Variants in BEGAIN observed in about 807,000 individuals in gnomAD.
The protein encoded by BEGAIN is brain-enriched guanylate kinase-associated protein.
BEGAIN carries 19 observed loss-of-function variants against 35.8 expected under a neutral mutation model. The observed-to-expected ratio is 0.53, with a 90% CI of 0.37 to 0.78. The LOEUF is 0.78. BEGAIN is among the 30% of genes least tolerant of loss of function. The pLI is 0.00. For missense variants in BEGAIN, 795 were observed against 853.6 expected, an observed-to-expected ratio of 0.93 and a Z score of 0.85; for synonymous variants, 462 against 388.6, an observed-to-expected ratio of 1.19 and a Z score of -2.22.
intron 2 of BEGAIN, among the ~76,000 whole-genome samples, chr14:100,560,654 C>G (rs1041659155): frequency 6.6e-6 from 1 of 152,244 alleles, no homozygotes; most frequent in African/African-American, 2.4e-5. Context: ...CCCCAGGACA[C>G]AGAGACATGG....
rs1435080985 is a variant in BEGAIN, at chr14:100,543,972, G to T, written c.301-7C>A. On this transcript the variant is annotated splice_region_variant and splice_polypyrimidine_tract_variant and intron_variant, in intron 4 of 6. Transcript: ENST00000554140. ...CCTCCTCATAGTGCTGGCCCTGGGG[G>T]TGGGACAGTGGGAGGAGGAGGCCCG... The T allele has an allele frequency of 1.3e-6, 2 of 1,598,698 alleles. No individual in the cohort carries two copies. Among genetic ancestry groups the T allele is most frequent in the Admixed American group, 1.7e-5 (1 of 58,352 alleles).
Position 100,568,306 on chromosome 14 carries a change from CT to C in BEGAIN, c.43-368del. ...CTCTCCGGCGGCCGCGGCCCCGCTG[CT>C]CCCCCCGCCCCGCCCGTTAACCCTT... On this transcript the variant is annotated intron_variant, in intron 1 of 6. Transcript: ENST00000554140. This position sits in a 1 kb window ranked among gnomAD's most constrained non-coding sequence, Gnocchi z 7.5. The C allele has an allele frequency of 1.3e-6, 1 of 766,254 alleles. No homozygotes were observed. Among genetic ancestry groups the C allele is most frequent in the Admixed American group, 2.8e-5 (1 of 36,074 alleles). 47.5% of individuals were successfully genotyped at this position (766,254 alleles called of 1,614,324 possible).
chr14:100,546,802 A>T lies in BEGAIN; in HGVS notation c.72-140T>A, dbSNP rs1445943883. 3.8e-5 allele frequency: 24 copies of T among 634,682 alleles called. No homozygotes were observed. In the African/African-American group the frequency reaches 4.2e-4, roughly 11 times the overall value. The allele number at this position is 634,682 out of a possible 1,614,324, so 39.3% of individuals were successfully genotyped here. ...CGCGCACACACACACACACACACAC[A>T]CACACACACACTCACACACACCCAG... On this transcript the variant is annotated intron_variant, in intron 2 of 6. Transcript: ENST00000554140.
chr14:100,585,889 C>T (rs1361985854), intron 1 of BEGAIN, among the ~76,000 whole-genome samples: 1 of 152,264 alleles, frequency 6.6e-6, no homozygotes, highest in Non-Finnish European at 1.5e-5. Context: ...GCGCAGCCGC[C>T]CATCGCCCAG....
chr14:100,570,003 G>A (rs1287175490), intron 1 of BEGAIN, among the ~76,000 whole-genome samples: 2 of 152,086 alleles, frequency 1.3e-5, no homozygotes, highest in Non-Finnish European at 2.9e-5. Flanking sequence ...CTATGCGGGA[G>A]CAAAGCTCCA....
chr14:100,583,692 C>CTTTTTTTTTTTTTTTTTTTTTTTTTTTT (rs56090356), intron 1 of BEGAIN, among the ~76,000 whole-genome samples: 5 of 108,980 alleles, frequency 4.6e-5, no homozygotes, highest in Admixed American at 1.0e-4. Flanking sequence ...GTTTTTCTTC[C>CTTTTTTTTTTTTTTTTTTTTTTTTTTTT]TTTTTTTTTT....
rs912987765 is a variant in BEGAIN, at chr14:100,567,594, G to A, written c.71+317C>T. On this transcript the variant is annotated intron_variant, in intron 2 of 6. Transcript: ENST00000554140. The surrounding 1 kb of genome is among the most constrained non-coding windows in gnomAD (Gnocchi z 5.1). ...CCCCGGGGACCAGCGAGAGTCCAGG[G>A]CAGGGAGCCAGAGGGGCGCTGAGGA... Among the ~76,000 whole-genome samples, 2 of 151,926 alleles carry A rather than the reference G, an allele frequency of 1.3e-5. No individual in the cohort carries two copies. Among genetic ancestry groups the A allele is most frequent in the African/African-American group, 4.8e-5 (2 of 41,396 alleles).
chr14:100,576,398 G>C (rs1030404516), intron 1 of BEGAIN, among the ~76,000 whole-genome samples: 2 of 152,196 alleles, frequency 1.3e-5, no homozygotes, highest in African/African-American at 2.4e-5. Context: ...CGACCTCCTG[G>C]GGTTGCGCCC....
At chr14:100,550,135 T>G (rs1483910747) in intron 2 of BEGAIN, among the ~76,000 whole-genome samples, 1 of 151,996 alleles carries the variant, frequency 6.6e-6, no homozygotes, top group Non-Finnish European at 1.5e-5. Flanking sequence ...TGGACTGGGG[T>G]GAGTGCCCAG....
chr14:100,543,297 T>C (rs2140482256), intron 5 of BEGAIN, among the ~76,000 whole-genome samples: 1 of 150,338 alleles, frequency 6.7e-6, no homozygotes, highest in South Asian at 2.1e-4. Flanking sequence ...CAGAGGTGTT[T>C]TTTTTTTTGT....
intron 2 of BEGAIN, 118 bp from the exon 3 acceptor site, chr14:100,546,780 G>GCAAACACA (rs2032558083): frequency 3.0e-6 from 1 of 328,558 alleles, no homozygotes; most frequent in Non-Finnish European, 5.1e-6. Context: ...GCGCGCGCGC[G>GCAAACACA]CACACACACA....
At chr14:100,546,705 C>T (rs1595115537) in intron 2 of BEGAIN, 43 bp from the exon 3 acceptor site, 1 of 1,518,570 alleles carries the variant, frequency 6.6e-7, no homozygotes, top group Non-Finnish European at 8.8e-7. Flanking sequence ...CGGCGCTGAG[C>T]GGGGGAAACT....
chr14:100,576,810 C>A (rs1395247911), intron 1 of BEGAIN, among the ~76,000 whole-genome samples: 1 of 152,246 alleles, frequency 6.6e-6, no homozygotes, highest in Non-Finnish European at 1.5e-5. Flanking sequence ...ACCTGTCCAT[C>A]TGTCTGAGGC....
chr14:100,566,521 C>A lies in BEGAIN; in HGVS notation c.71+1390G>T, dbSNP rs116935838. Among the ~76,000 whole-genome samples, 739 of 152,306 alleles carry A rather than the reference C, an allele frequency of 4.9e-3. 7 individuals are homozygous for A. The highest frequency in any genetic ancestry group is 4.4e-3 in the Non-Finnish European group (298 of 68,018). ...GAGTTAAGCAGTGTTTCCTCCCCCC[C>A]ACAGGCGGTACAACCCAGGTGGTGA... is the stretch of plus-strand genomic sequence containing the variant. On this transcript the variant is annotated intron_variant, in intron 2 of 6. Coordinates refer to ENST00000554140, the MANE Select transcript of BEGAIN (RefSeq NM_001385089.1).
intron 1 of BEGAIN, chr14:100,578,072 G>GGGCTGCCTGCC (rs2035240922): frequency 5.0e-6 from 2 of 397,848 alleles, no homozygotes; most frequent in South Asian, 2.8e-4. Context: ...TCACAGGCCA[G>GGGCTGCCTGCC]GGCTGCCTGC....
At chr14:100,577,752 C>T in intron 1 of BEGAIN, 1 of 399,112 alleles carries the variant, frequency 2.5e-6, no homozygotes, top group East Asian at 3.6e-5. Flanking sequence ...CCTGGCTGGA[C>T]CGAGCTGCCC....
chr14:100,585,456 C>A (rs868501299), intron 1 of BEGAIN, among the ~76,000 whole-genome samples: 2 of 132,194 alleles, frequency 1.5e-5, no homozygotes, highest in African/African-American at 5.4e-5. Context: ...ATCCATCCAT[C>A]CATTCATCCA....
In BEGAIN at chr14:100,545,017, C is replaced by T. The variant is rs753014841; in HGVS notation, c.283G>A (p.Asp95Asn). ...ALQRINQELE[D>N]KLYRMGQHYE... The stretch of plus-strand genomic sequence containing the variant: ...GGCCTCACCATGCGGTACAGCTTGT[C>T]CTCCAGCTCCTGGTTGATCCTCTGC... The change falls in exon 4 of 7, where the codon GAC (aspartate) becomes AAC (asparagine). Residue 95 changes from aspartate to asparagine, a missense_variant. By Grantham distance (23) the Asp-to-Asn change is conservative. This residue lies in a region of BEGAIN where 73 missense variants were observed against 143.2 expected (regional missense o/e 0.51). Transcript: ENST00000554140. The T allele has an allele frequency of 5.6e-6, 9 of 1,612,704 alleles. No individual in the cohort carries two copies. The Admixed American group carries it at 1.0e-4, about 18-fold the overall frequency.
At chr14:100,570,365 G>C (rs1302069563) in intron 1 of BEGAIN, among the ~76,000 whole-genome samples, 2 of 152,204 alleles carry the variant, frequency 1.3e-5, no homozygotes, top group African/African-American at 4.8e-5. Flanking sequence ...CAGGGAACAG[G>C]CAGCCCCTGC....
Sources: gnomAD v4.1 joint callset for allele counts (sites outside exome capture counted in the v4.1 genomes callset) on GRCh38, gnomAD v4.1.1 for gene constraint, gnomAD v4.1.1 regional missense constraint, Gnocchi (gnomAD v3.1) non-coding constraint, MANE v1.5 for transcripts, NCBI Gene and HGNC (gene_info 2026-07-23, HGNC 2026-07-21) for gene names.